The following SH2B2 variants were observed in gnomAD, a reference collection of about 807,000 sequenced individuals.
SH2B2 encodes SH2B adaptor protein 2.
In SH2B2, 37 loss-of-function variants were observed where a neutral mutation model predicts 35.7. That is an observed-to-expected ratio of 1.04 (90% CI 0.80 to 1.36). The LOEUF (loss-of-function observed/expected upper bound fraction) is 1.36, where lower values mean the gene tolerates loss of function less well. SH2B2 is among the 40% of genes most tolerant of loss of function. SH2B2 has a pLI of 0.00. For missense variants in SH2B2, 852 were observed against 817.7 expected, an observed-to-expected ratio of 1.04 and a Z score of -0.51; for synonymous variants, 383 against 376.4, an observed-to-expected ratio of 1.02 and a Z score of -0.20.
At chr7:102,306,175 C>T (rs1351869898) in intron 2 of SH2B2, among the ~76,000 whole-genome samples, 1 of 152,186 alleles carries the variant, frequency 6.6e-6, no homozygotes, top group African/African-American at 2.4e-5. Context: ...CAACCTCCGC[C>T]TCCTGGGTTC....
chr7:102,309,001 C>T, intron 4 of SH2B2, 95 bp downstream of exon 4: 1 of 974,806 alleles, frequency 1.0e-6, no homozygotes, highest in Non-Finnish European at 1.7e-6. Flanking sequence ...GGCGGGAGCT[C>T]AGCTTGAGAA....
Position 102,300,504 on chromosome 7 carries a change from C to T in SH2B2, c.-29-18C>T, listed in dbSNP as rs1404820996. On this transcript the variant is annotated intron_variant, in intron 1 of 8. Transcript: ENST00000444095. ...GATCACAGGCCTGAAAGTCACTGCG[C>T]GCTCTTCTCGCCCGAAGCCGCAGGT... is the stretch of plus-strand genomic sequence containing the variant. The T allele has an allele frequency of 6.6e-7, 1 of 1,517,048 alleles. No homozygotes were observed. Among genetic ancestry groups the T allele is most frequent in the Non-Finnish European group, 8.8e-7 (1 of 1,136,284 alleles). 94.0% of individuals were successfully genotyped at this position (1,517,048 alleles called of 1,614,324 possible). A position where few individuals can be genotyped will look rare whatever the true frequency, so the allele number is the denominator to read the frequency against.
chr7:102,289,613 G>A (rs561708391), intron 1 of SH2B2, among the ~76,000 whole-genome samples: 8 of 152,228 alleles, frequency 5.3e-5, no homozygotes, highest in Admixed American at 4.6e-4. Flanking sequence ...TCCAGAGTTC[G>A]GGGATGCTCA....
chr7:102,321,396 C>T lies in SH2B2; in HGVS notation c.1665C>T (p.Cys555=). The change falls in exon 9 of 9, where the codon TGC becomes TGT. Residue 555 remains cysteine, a synonymous_variant. Transcript: ENST00000444095. Reference sequence around the variant, plus strand: ...TCTCCAGCCTCGCCGCGGCCGCCTGCCCGCCTGCCTCGCCCTCCGACGCCG... The same window carrying T: ...TCTCCAGCCTCGCCGCGGCCGCCTGTCCGCCTGCCTCGCCCTCCGACGCCG... ...HYFSSLAAAA[C]PPASPSDAAG... 1.4e-6 allele frequency: 2 copies of T among 1,380,518 alleles called. No homozygotes were observed. Among genetic ancestry groups the T allele is most frequent in the Non-Finnish European group, 1.9e-6 (2 of 1,066,032 alleles). The allele number at this position is 1,380,518 out of a possible 1,614,324, so 85.5% of individuals were successfully genotyped here. A position where few individuals can be genotyped will look rare whatever the true frequency, so the allele number is the denominator to read the frequency against.
intron 6 of SH2B2, among the ~76,000 whole-genome samples, chr7:102,315,902 C>T (rs1339496961): frequency 2.0e-5 from 3 of 151,982 alleles, no homozygotes; most frequent in African/African-American, 7.3e-5. Flanking sequence ...TACAGAGTAA[C>T]TCCAGGATAG....
In SH2B2 at chr7:102,314,636, G is replaced by A. The variant is rs1793749359; in HGVS notation, c.1140G>A (p.Gln380=). The change falls in exon 6 of 9, where the codon CAG becomes CAA. Residue 380 remains glutamine (Q), a synonymous_variant. Coordinates refer to ENST00000444095, the MANE Select transcript of SH2B2 (RefSeq NM_001359228.2). ...LIHVPLETFL[Q]TLESPGGSGS... is the part of the protein sequence containing the mutation. ...ACGTCCCGCTAGAGACCTTTCTGCA[G>A]ACCCTGGAATCCCCGGGCGGCAGCG... The A allele has an allele frequency of 2.5e-6, 1 of 398,536 alleles. No homozygotes were observed. The highest frequency in any genetic ancestry group is 1.3e-4 in the South Asian group (1 of 7,850). The allele number at this position is 398,536 out of a possible 1,614,324, so 24.7% of individuals were successfully genotyped here.
At chr7:102,291,839 C>T (rs1187305693) in intron 1 of SH2B2, among the ~76,000 whole-genome samples, 1 of 152,188 alleles carries the variant, frequency 6.6e-6, no homozygotes, top group Non-Finnish European at 1.5e-5. Flanking sequence ...GAGAGAGACT[C>T]ATACCTAGTC....
intron 1 of SH2B2, among the ~76,000 whole-genome samples, chr7:102,288,454 C>T (rs148726517): frequency 1.8e-3 from 269 of 152,250 alleles, no homozygotes; most frequent in Non-Finnish European, 3.1e-3. Flanking sequence ...CGTGGCAGGC[C>T]GGCTTCTGAT....
chr7:102,305,318 T>G (rs920474882), intron 2 of SH2B2, among the ~76,000 whole-genome samples: 1 of 152,182 alleles, frequency 6.6e-6, no homozygotes, highest in Admixed American at 6.6e-5. Flanking sequence ...CAGGCTGGAG[T>G]GCAGTGGTGC....
At chr7:102,312,278 G>C (rs547800923) in intron 4 of SH2B2, among the ~76,000 whole-genome samples, 1 of 152,088 alleles carries the variant, frequency 6.6e-6, no homozygotes, top group Non-Finnish European at 1.5e-5. Context: ...GGGAGGCTGA[G>C]GCAGGAGAAT....
At chr7:102,303,078 A>G (rs1374452754) in intron 2 of SH2B2, among the ~76,000 whole-genome samples, 1 of 151,948 alleles carries the variant, frequency 6.6e-6, no homozygotes, top group Non-Finnish European at 1.5e-5. Context: ...TAATAAAAAT[A>G]CAGGATTACA....
chr7:102,295,463 C>T (rs78521879), intron 1 of SH2B2, among the ~76,000 whole-genome samples: 349 of 152,286 alleles, frequency 2.3e-3, no homozygotes, highest in African/African-American at 8.3e-3. Flanking sequence ...GGCCTGGGCT[C>T]GTGACCTTCC....
At chr7:102,287,325 CG>C (rs1387054946) in intron 1 of SH2B2, among the ~76,000 whole-genome samples, 1 of 151,870 alleles carries the variant, frequency 6.6e-6, no homozygotes, top group Non-Finnish European at 1.5e-5. Flanking sequence ...CCGGGCGGGG[CG>C]GGGAGCCGCT....
At chr7:102,300,462 G>A (rs983207832) in intron 1 of SH2B2, 60 bp from the exon 2 acceptor site, 68 of 1,467,980 alleles carry the variant, frequency 4.6e-5, no homozygotes, top group Non-Finnish European at 5.8e-5. Flanking sequence ...TGGAAGGAGG[G>A]GACAGGTGGG....
chr7:102,302,780 T>A (rs1258665048), intron 2 of SH2B2, among the ~76,000 whole-genome samples: 1 of 152,192 alleles, frequency 6.6e-6, no homozygotes, highest in Non-Finnish European at 1.5e-5. Context: ...TGGCAGGACA[T>A]GGTGGCGCGC....
intron 2 of SH2B2, among the ~76,000 whole-genome samples, chr7:102,303,739 C>T (rs990108727): frequency 5.3e-5 from 8 of 152,338 alleles, no homozygotes; most frequent in Admixed American, 5.2e-4. Flanking sequence ...TACCCGGGGT[C>T]ACCCAGAGGG....
upstream of SH2B2, chr7:102,286,761 C>CGGGAGGGGGA (rs1563542432): frequency 1.3e-5 from 1 of 77,136 alleles, no homozygotes; most frequent in African/African-American, 5.1e-5. Context: ...CAAGTGGGGG[C>CGGGAGGGGGA]GGGAGGGGGC....
In SH2B2 at chr7:102,301,226, C is replaced by A; in HGVS notation, c.676C>A (p.Arg226Ser). The A allele has an allele frequency of 6.2e-7, 1 of 1,601,556 alleles. No homozygotes were observed. The highest frequency in any genetic ancestry group is 8.5e-7 in the Non-Finnish European group (1 of 1,175,102). Residue 226 changes from arginine (R) to serine (S), a missense_variant, in exon 2 of 9, where the codon CGC (arginine) becomes AGC (serine). Physicochemically the swap from Arg to Ser is moderately radical, Grantham distance 110. Coordinates refer to ENST00000444095, the MANE Select transcript of SH2B2 (RefSeq NM_001359228.2). ...AQWQKCRLLL[R>S]RAVAEERFRL... Reference sequence around the variant, plus strand: ...GTGGCAGAAGTGCCGCCTGCTCCTGCGCAGGGCTGTGGCCGAGGAACGCTT... The same window carrying A: ...GTGGCAGAAGTGCCGCCTGCTCCTGAGCAGGGCTGTGGCCGAGGAACGCTT...
intron 4 of SH2B2, among the ~76,000 whole-genome samples, chr7:102,311,667 C>T (rs538279377): frequency 2.1e-4 from 32 of 151,120 alleles, no homozygotes; most frequent in African/African-American, 7.1e-4. Flanking sequence ...TCCCAAAGCA[C>T]TGGGATTACA....
Sources: allele counts gnomAD v4.1 joint callset (sites outside exome capture counted in the v4.1 genomes callset), GRCh38; gene constraint gnomAD v4.1.1; transcripts MANE v1.5; gene names NCBI Gene and HGNC (gene_info 2026-07-23, HGNC 2026-07-21).